Variants in LRRC4C observed in about 807,000 individuals in gnomAD.
The protein encoded by LRRC4C is leucine-rich repeat-containing protein 4C.
LRRC4C carries 5 observed loss-of-function variants against 33.6 expected under a neutral mutation model. That is an observed-to-expected ratio of 0.15 (90% CI 0.08 to 0.31). LRRC4C has a LOEUF of 0.31. Ranked by LOEUF, LRRC4C falls within the 10% of genes least tolerant of loss-of-function variation. The probability of loss-of-function intolerance (pLI) is 1.00; values close to 1 mark genes in which losing one functional copy is unlikely to be tolerated. For missense variants in LRRC4C, 560 were observed against 796.7 expected, an observed-to-expected ratio of 0.70 and a Z score of 3.58; for synonymous variants, 329 against 302.0, an observed-to-expected ratio of 1.09 and a Z score of -0.93.
At chr11:40,217,706 A>C (rs1333329799) in intron 5 of LRRC4C, among the ~76,000 whole-genome samples, 1 of 152,184 alleles carries the variant, frequency 6.6e-6, no homozygotes, top group East Asian at 1.9e-4. Context: ...ATGACAGATA[A>C]TATGACTGTT....
chr11:40,885,485 T>C lies in LRRC4C; in HGVS notation c.-407+48150A>G, dbSNP rs188629620. On this transcript the variant is annotated intron_variant, in intron 2 of 6. Coordinates refer to ENST00000528697, the MANE Select transcript of LRRC4C (RefSeq NM_001258419.2). The stretch of plus-strand genomic sequence containing the variant: ...ACCCTGTGGCTTATGTTGAGACATG[T>C]TTAAAAGATAGTTCATCCATTTTCA... Among the ~76,000 whole-genome samples the C allele has an allele frequency of 8.0e-3, 1,219 of 152,104 alleles. 4 individuals carry two copies. The highest frequency in any genetic ancestry group is 0.013 in the Admixed American group (203 of 15,242).
chr11:41,151,009 C>A (rs1037378677), intron 1 of LRRC4C, among the ~76,000 whole-genome samples: 2 of 151,850 alleles, frequency 1.3e-5, no homozygotes, highest in African/African-American at 4.8e-5. Context: ...TCCACCTGCT[C>A]CCTGCAACAC....
At chr11:40,927,753 C>A (rs943312348) in intron 2 of LRRC4C, among the ~76,000 whole-genome samples, 2 of 151,760 alleles carry the variant, frequency 1.3e-5, no homozygotes, top group Admixed American at 6.6e-5. Context: ...TCTATTATTA[C>A]AACTAAATTG....
intron 1 of LRRC4C, among the ~76,000 whole-genome samples, chr11:41,091,056 T>C (rs1032037541): frequency 2.6e-4 from 40 of 152,160 alleles, no homozygotes; most frequent in African/African-American, 9.4e-4. Flanking sequence ...GATCCTTTTG[T>C]GTTGCCAAAA....
intron 1 of LRRC4C, among the ~76,000 whole-genome samples, chr11:41,218,797 T>C (rs1947175610): frequency 6.9e-6 from 1 of 144,096 alleles, no homozygotes; most frequent in South Asian, 2.2e-4. Flanking sequence ...AGACGGAGTC[T>C]TGCTGTGTCG....
chr11:40,784,722 C>T (rs1180239116), intron 2 of LRRC4C, among the ~76,000 whole-genome samples: 2 of 152,086 alleles, frequency 1.3e-5, no homozygotes, highest in Non-Finnish European at 2.9e-5. Flanking sequence ...CAGTCAATGG[C>T]ATGACTGTAA....
chr11:40,382,593 G>T (rs542384673), intron 3 of LRRC4C, among the ~76,000 whole-genome samples: 126 of 150,978 alleles, frequency 8.3e-4, no homozygotes, highest in African/African-American at 2.9e-3. Context: ...TTTAAAGTAC[G>T]CAAGTATTAA....
chr11:40,351,095 T>G (rs2137081331), intron 3 of LRRC4C, among the ~76,000 whole-genome samples: 1 of 152,166 alleles, frequency 6.6e-6, no homozygotes, highest in African/African-American at 2.4e-5. Flanking sequence ...TTGATTGTTC[T>G]GTGTAGGACT....
At chr11:41,455,047 A>G (rs183544728) in intron 1 of LRRC4C, among the ~76,000 whole-genome samples, 126 of 152,166 alleles carry the variant, frequency 8.3e-4, no homozygotes, top group Middle Eastern at 3.4e-3. Flanking sequence ...TAGGTATCTG[A>G]TCTCATTCTA....
intron 1 of LRRC4C, among the ~76,000 whole-genome samples, chr11:41,019,188 A>G (rs980671952): frequency 6.6e-6 from 1 of 151,948 alleles, no homozygotes; most frequent in African/African-American, 2.4e-5. Context: ...CCACCCCGCA[A>G]CAGGCCACAG....
chr11:40,836,650 C>A (rs1243670644), intron 2 of LRRC4C, among the ~76,000 whole-genome samples: 1 of 152,076 alleles, frequency 6.6e-6, no homozygotes, highest in South Asian at 2.1e-4. Context: ...GTTGTTTAAG[C>A]ACTGGCTTTG....
intron 5 of LRRC4C, among the ~76,000 whole-genome samples, chr11:40,229,283 A>AT (rs556556413): frequency 2.2e-4 from 34 of 151,740 alleles, no homozygotes; most frequent in South Asian, 2.1e-3. Context: ...ATATATATAT[A>AT]TTTTTTTGAG....
rs570137523 is a variant in LRRC4C at position 41,223,230 on chromosome 11, C to T, written c.-496+236201G>A. Among the ~76,000 whole-genome samples the T allele has an allele frequency of 2.0e-5, 3 of 152,084 alleles. No individual in the cohort carries two copies. In the East Asian group the frequency reaches 5.8e-4, roughly 29 times the overall value. The stretch of plus-strand genomic sequence containing the variant: ...AGTCATTGTTCTATAGGCTATGACT[C>T]CATCGTTGATGTGAGGTTTATTTGA... On this transcript the variant is annotated intron_variant, in intron 1 of 6. Coordinates refer to ENST00000528697, the MANE Select transcript of LRRC4C (RefSeq NM_001258419.2).
chr11:41,449,573 G>A (rs1430785529), intron 1 of LRRC4C, among the ~76,000 whole-genome samples: 1 of 152,002 alleles, frequency 6.6e-6, no homozygotes, highest in African/African-American at 2.4e-5. Context: ...ACCATACCCA[G>A]GCCCAGACAG....
Position 40,528,034 on chromosome 11 carries a change from C to A in LRRC4C, c.-270+120108G>T, listed in dbSNP as rs533880362. Among the ~76,000 whole-genome samples, 80 of 152,150 alleles carry A rather than the reference C, an allele frequency of 5.3e-4. 1 individual carries two copies. Among genetic ancestry groups the A allele is most frequent in the Non-Finnish European group, 1.0e-3 (70 of 68,032 alleles). ...GTGCTGAGATTAAAGGCATAAGCCA[C>A]TGCACCCTGCCAGAAATTAAATTTA... On this transcript the variant is annotated intron_variant, in intron 3 of 6. Coordinates refer to ENST00000528697, the MANE Select transcript of LRRC4C (RefSeq NM_001258419.2).
At chr11:41,098,937 G>C (rs1287423616) in intron 1 of LRRC4C, among the ~76,000 whole-genome samples, 1 of 151,902 alleles carries the variant, frequency 6.6e-6, no homozygotes, top group Non-Finnish European at 1.5e-5. Flanking sequence ...TAGAGACGCT[G>C]CTAGCTAGAA....
At chr11:41,309,961 T>C (rs1950602388) in intron 1 of LRRC4C, among the ~76,000 whole-genome samples, 1 of 152,264 alleles carries the variant, frequency 6.6e-6, no homozygotes, top group African/African-American at 2.4e-5. Flanking sequence ...AACTGCGCTT[T>C]GATGTGTTGA....
chr11:40,539,051 T>A lies in LRRC4C; in HGVS notation c.-270+109091A>T, dbSNP rs143884508. ...TTCTGGATATTAGCCCACTCTTTAG[T>A]CCCTCCACAAATATTTCATCCTCTG... On this transcript the variant is annotated intron_variant, in intron 3 of 6. Transcript: ENST00000528697. Among the ~76,000 whole-genome samples, 4 of 152,268 alleles carry A rather than the reference T, an allele frequency of 2.6e-5. No homozygotes were observed. In the East Asian group the frequency reaches 7.7e-4, roughly 29 times the overall value.
chr11:40,928,054 C>T (rs555016412), intron 2 of LRRC4C, among the ~76,000 whole-genome samples: 1 of 151,968 alleles, frequency 6.6e-6, no homozygotes, highest in Non-Finnish European at 1.5e-5. Flanking sequence ...ATATTAGTTA[C>T]AAATATATTG....
Sources: gnomAD v4.1 joint callset for allele counts (sites outside exome capture counted in the v4.1 genomes callset) on GRCh38, gnomAD v4.1.1 for gene constraint, MANE v1.5 for transcripts, NCBI Gene and HGNC (gene_info 2026-07-23, HGNC 2026-07-21) for gene names.